EME2: variants seen among roughly 807,000 people sequenced by gnomAD.
EME2 encodes structure-specific endonuclease subunit EME2.
Under a neutral mutation model 41.9 loss-of-function variants are expected in EME2, and 58 were observed. The observed-to-expected ratio is 1.38, with a 90% CI of 1.12 to 1.72. The LOEUF (loss-of-function observed/expected upper bound fraction) is 1.72. Among genes scored for constraint, EME2 ranks in the 40% most tolerant of loss-of-function variants. EME2 has a pLI of 0.00. For missense variants in EME2, 695 were observed against 541.9 expected, an observed-to-expected ratio of 1.28 and a Z score of -2.81; for synonymous variants, 334 against 239.3, an observed-to-expected ratio of 1.40 and a Z score of -3.65.
chr16:1,775,966 TC>T lies in EME2; in HGVS notation c.955del (p.Arg319AlafsTer48). The part of the protein sequence containing the change: ...VADAVVTAFP[S>X]PRLLQQALEA... The stretch of plus-strand genomic sequence containing the variant: ...TGATGCAGTTGTCACAGCCTTCCCC[TC>T]CCCCCGCCTTCTGCAGCAGGTGGGC... On this transcript the variant is annotated frameshift_variant, in exon 7 of 8. Transcript: ENST00000568449. LOFTEE classifies it low-confidence loss of function (END_TRUNC). 3 of 1,608,480 alleles carry T rather than the reference TC, an allele frequency of 1.9e-6. No homozygotes were observed. Among genetic ancestry groups the T allele is most frequent in the African/African-American group, 1.3e-5 (1 of 74,878 alleles).
In EME2 at chr16:1,775,890, G is replaced by C. The variant is rs368025619; in HGVS notation, c.873G>C (p.Ala291=). The C allele has an allele frequency of 1.2e-6, 2 of 1,612,378 alleles. No homozygotes were observed. The highest frequency in any genetic ancestry group is 1.3e-5 in the African/African-American group (1 of 74,938). ...CAAGAGACGGCGCAGGGCTGCAGGCGGCCTGGCGGAGGCAGATCAGGCAGT... is the reference window on the plus strand; with the variant it reads ...CAAGAGACGGCGCAGGGCTGCAGGCCGCCTGGCGGAGGCAGATCAGGCAGT... ...PVARDGAGLQ[A]AWRRQIRQFS... Residue 291 remains alanine, a synonymous_variant, in exon 7 of 8, where the codon GCG becomes GCC. Transcript: ENST00000568449.
Position 1,781,297 on chromosome 16 carries a change from C to T in EME2, c.*5059C>T. The T allele has an allele frequency of 6.2e-7, 1 of 1,612,498 alleles. No homozygotes were observed. Among genetic ancestry groups the T allele is most frequent in the Non-Finnish European group, 8.5e-7 (1 of 1,179,958 alleles). ...TCCGTGTTCAGGTAATGTCTGCCTG[C>T]CTGCCTAGGGCATCTCCACACCTTA... On this transcript the variant is annotated 3_prime_UTR_variant, in exon 8 of 8. Transcript: ENST00000568449.
In EME2 at chr16:1,773,039, C is replaced by G. The variant is rs1427890180; in HGVS notation, c.-189C>G. 1.9e-5 allele frequency: 27 copies of G among 1,435,908 alleles called. No individual in the cohort carries two copies. Among genetic ancestry groups the G allele is most frequent in the Non-Finnish European group, 2.5e-5 (27 of 1,096,352 alleles). The allele number at this position is 1,435,908 out of a possible 1,614,324, so 88.9% of individuals were successfully genotyped here. On this transcript the variant is annotated 5_prime_UTR_variant, in exon 1 of 8. Coordinates refer to ENST00000568449, the MANE Select transcript of EME2 (RefSeq NM_001257370.2). ...CCGCGTAGAGCTGGGAGTCGCGCGGCCTGTTCAGTTGCTCCCGCAGGGCGC... is the reference window on the plus strand; with the variant it reads ...CCGCGTAGAGCTGGGAGTCGCGCGGGCTGTTCAGTTGCTCCCGCAGGGCGC...
In EME2 at chr16:1,781,482, A is replaced by G. The variant is rs1896711181; in HGVS notation, c.*5244A>G. 1.2e-6 allele frequency: 2 copies of G among 1,611,928 alleles called. No individual in the cohort carries two copies. Among genetic ancestry groups the G allele is most frequent in the African/African-American group, 2.7e-5 (2 of 74,870 alleles). On this transcript the variant is annotated 3_prime_UTR_variant, in exon 8 of 8. Transcript: ENST00000568449. ...CCTGCTGTTCCGGGGGCGTCTGGCCATGGTGGAAAGAATCTAGAAGAAAAC... is the reference window on the plus strand; with the variant it reads ...CCTGCTGTTCCGGGGGCGTCTGGCCGTGGTGGAAAGAATCTAGAAGAAAAC...
At position 1,776,384 on chromosome 16, in the gene EME2, G is replaced by A. The variant is rs1243701904; in HGVS notation, c.*146G>A. On this transcript the variant is annotated 3_prime_UTR_variant, in exon 8 of 8. Transcript: ENST00000568449. ...AGGTCTGACCTCAGGGGAAGGGTGGGTGGTTGCAGGGGAAGTTTTAGGTAG... is the reference window on the plus strand; with the variant it reads ...AGGTCTGACCTCAGGGGAAGGGTGGATGGTTGCAGGGGAAGTTTTAGGTAG... 2.8e-6 allele frequency: 2 copies of A among 703,434 alleles called. No individual in the cohort carries two copies. The highest frequency in any genetic ancestry group is 2.8e-5 in the East Asian group (1 of 35,580). 43.6% of individuals were successfully genotyped at this position (703,434 alleles called of 1,614,324 possible).
Position 1,776,173 on chromosome 16 carries a change from TC to T in EME2, c.1078del (p.Arg360AlafsTer7). 1 of 1,612,398 alleles carries T rather than the reference TC, an allele frequency of 6.2e-7. No individual in the cohort carries two copies. Among genetic ancestry groups the T allele is most frequent in the South Asian group, 1.1e-5 (1 of 91,082 alleles). ...TCCCCGCAGGGTGGGGCCTGACCTCTCCCGCCGCATCTGCCTCTTCCTGACC... is the reference window on the plus strand; with the variant it reads ...TCCCCGCAGGGTGGGGCCTGACCTCTCCGCCGCATCTGCCTCTTCCTGACC... ...GRPRRVGPDL[S>X]RRICLFLTTA... On this transcript the variant is annotated frameshift_variant, in exon 8 of 8. Transcript: ENST00000568449. LOFTEE classifies it high-confidence loss of function.
In EME2 at chr16:1,781,281, A is replaced by T. The variant is rs1896698538; in HGVS notation, c.*5043A>T. ...TTTTTCTCCGACTGATTCCGTGTTC[A>T]GGTAATGTCTGCCTGCCTGCCTAGG... On this transcript the variant is annotated 3_prime_UTR_variant, in exon 8 of 8. Coordinates refer to ENST00000568449, the MANE Select transcript of EME2 (RefSeq NM_001257370.2). 1.2e-6 allele frequency: 2 copies of T among 1,611,754 alleles called. No individual in the cohort carries two copies. Among genetic ancestry groups the T allele is most frequent in the Non-Finnish European group, 1.7e-6 (2 of 1,179,908 alleles).
chr16:1,775,705 A>AG (rs1238748372), intron 6 of EME2, 21 bp downstream of exon 6: 1 of 1,612,858 alleles, frequency 6.2e-7, no homozygotes, highest in African/African-American at 1.3e-5. Flanking sequence ...CCAAGGCTGA[A>AG]GGGGGGCAGG....
At position 1,778,080 on chromosome 16, in the gene EME2, G is replaced by C; in HGVS notation, c.*1842G>C. 2 of 1,613,024 alleles carry C rather than the reference G, an allele frequency of 1.2e-6. No homozygotes were observed. Among genetic ancestry groups the C allele is most frequent in the Non-Finnish European group, 1.7e-6 (2 of 1,179,976 alleles). The stretch of plus-strand genomic sequence containing the variant: ...ACAGGGGCCAGGCAGAGGGCGCGGG[G>C]CTGGGCTGCCGGAGCCAGGTTCCCC... On this transcript the variant is annotated 3_prime_UTR_variant, in exon 8 of 8. Transcript: ENST00000568449.
At position 1,772,898 on chromosome 16, in the gene EME2, G is replaced by T; in HGVS notation, c.-330G>T. On this transcript the variant is annotated 5_prime_UTR_variant, in exon 1 of 8. Transcript: ENST00000568449. ...TGCGCGTGACCAGGCGGCCCAGGCC[G>T]AAGAGCGGGAGGCGGCCGAGCAGCT... 1.4e-6 allele frequency: 2 copies of T among 1,452,188 alleles called. No homozygotes were observed. The highest frequency in any genetic ancestry group is 1.8e-6 in the Non-Finnish European group (2 of 1,109,368). The allele number at this position is 1,452,188 out of a possible 1,614,324, so 90.0% of individuals were successfully genotyped here.
At chr16:1,773,877 G>A (rs1314476918) in intron 2 of EME2, 36 bp downstream of exon 2, 3 of 1,512,430 alleles carry the variant, frequency 2.0e-6, no homozygotes. Context: ...CCAGCCGCGA[G>A]TTGGCTGTTT....
In EME2 at chr16:1,777,911, A is replaced by G. The variant is rs763447779; in HGVS notation, c.*1673A>G. On this transcript the variant is annotated 3_prime_UTR_variant, in exon 8 of 8. Transcript: ENST00000568449. ...GGGTCGCAGTGAGCCCGGGAGCTCCAGGCTCGGCCCCGCCCCACCCTGGGC... is the reference window on the plus strand; with the variant it reads ...GGGTCGCAGTGAGCCCGGGAGCTCCGGGCTCGGCCCCGCCCCACCCTGGGC... The G allele has an allele frequency of 6.2e-7, 1 of 1,611,824 alleles. No homozygotes were observed. Among genetic ancestry groups the G allele is most frequent in the Non-Finnish European group, 8.5e-7 (1 of 1,179,588 alleles).
Position 1,777,668 on chromosome 16 carries a change from T to A in EME2, c.*1430T>A. The A allele has an allele frequency of 2.5e-6, 4 of 1,575,382 alleles. No homozygotes were observed. In the South Asian group the frequency reaches 4.6e-5, roughly 18 times the overall value. On this transcript the variant is annotated 3_prime_UTR_variant, in exon 8 of 8. Transcript: ENST00000568449. ...GAGGAACCCTTTCAGAAAACCTCAG[T>A]GTCCCCTGGGCTGGGGCGGGGTGGC...
In EME2 at chr16:1,773,141, G is replaced by T; in HGVS notation, c.-87G>T. 7 of 1,390,782 alleles carry T rather than the reference G, an allele frequency of 5.0e-6. No homozygotes were observed. Among genetic ancestry groups the T allele is most frequent in the Non-Finnish European group, 6.5e-6 (7 of 1,078,006 alleles). The allele number at this position is 1,390,782 out of a possible 1,614,324, so 86.2% of individuals were successfully genotyped here. A position where few individuals can be genotyped will look rare whatever the true frequency, so the allele number is the denominator to read the frequency against. ...CCATGGCGGGTCCGCGTCCTCAGCG[G>T]TCCGGCCGGAAGTCACCGGAAGAGG... On this transcript the variant is annotated 5_prime_UTR_variant, in exon 1 of 8. Transcript: ENST00000568449.
chr16:1,776,217 CCTG>C lies in EME2; in HGVS notation c.1123_1125del (p.Leu375del). On this transcript the variant is annotated inframe_deletion, in exon 8 of 8. Transcript: ENST00000568449. ...TCCTGACCACAGCCAACCCTGATCTCCTGCTGGACCTGGGCTCCTGACCACACG... is the reference window on the plus strand; with the variant it reads ...TCCTGACCACAGCCAACCCTGATCTCCTGGACCTGGGCTCCTGACCACACG... The C allele has an allele frequency of 6.2e-7, 1 of 1,612,560 alleles. No individual in the cohort carries two copies. Among genetic ancestry groups the C allele is most frequent in the Non-Finnish European group, 8.5e-7 (1 of 1,179,946 alleles).
In EME2 at chr16:1,773,492, G is replaced by A. The variant is rs547322554; in HGVS notation, c.247+18G>A. The A allele has an allele frequency of 5.1e-6, 8 of 1,577,736 alleles. No homozygotes were observed. In the African/African-American group the frequency reaches 1.1e-4, roughly 21 times the overall value. On this transcript the variant is annotated intron_variant, in intron 1 of 7. Transcript: ENST00000568449. ...GGACACAGGTGCGGCGGAGGGCACG[G>A]GCGATACTCGGGGTAGGAAAGGCCT... is the stretch of plus-strand genomic sequence containing the variant.
chr16:1,773,318 T>C lies in EME2; in HGVS notation c.91T>C (p.Trp31Arg). ...GAGCGGTCAGCGGCGACCTCCAACC[T>C]GGGAGATCTCAGACTCCGACGCTGA... ...GGSGQRRPPTWEISDSDAEDS... is the reference protein window; with the variant it reads ...GGSGQRRPPTREISDSDAEDS... The change falls in exon 1 of 8, where the codon TGG (tryptophan) becomes CGG (arginine). Residue 31 changes from tryptophan to arginine, a missense_variant. Trp to Arg is a moderately radical substitution (Grantham distance 101, BLOSUM62 -3). Coordinates refer to ENST00000568449, the MANE Select transcript of EME2 (RefSeq NM_001257370.2). The C allele has an allele frequency of 6.6e-7, 1 of 1,507,026 alleles. No homozygotes were observed. The allele number at this position is 1,507,026 out of a possible 1,614,324, so 93.4% of individuals were successfully genotyped here.
Position 1,775,938 on chromosome 16 carries a change from G to T in EME2, c.921G>T (p.Val307=), listed in dbSNP as rs543882375. ...AGTTCAGTCGGGTCAGCCCAGCCGTGGCTGATGCAGTTGTCACAGCCTTCC... is the reference window on the plus strand; with the variant it reads ...AGTTCAGTCGGGTCAGCCCAGCCGTTGCTGATGCAGTTGTCACAGCCTTCC... ...IRQFSRVSPA[V]ADAVVTAFPS... The change falls in exon 7 of 8, where the codon GTG becomes GTT. Residue 307 remains valine (V), a synonymous_variant. Coordinates refer to ENST00000568449, the MANE Select transcript of EME2 (RefSeq NM_001257370.2). The T allele has an allele frequency of 6.2e-6, 10 of 1,611,658 alleles. No homozygotes were observed. Among genetic ancestry groups the T allele is most frequent in the Non-Finnish European group, 8.5e-6 (10 of 1,179,746 alleles).
chr16:1,778,322 C>T lies in EME2; in HGVS notation c.*2084C>T. 6.2e-7 allele frequency: 1 copy of T among 1,612,222 alleles called. No homozygotes were observed. Among genetic ancestry groups the T allele is most frequent in the East Asian group, 2.2e-5 (1 of 44,876 alleles). ...AAGTCATCCCAGACCCAGTCGAAAT[C>T]TGCAAGAGAGGCCCAGGCTGGGGCA... is the stretch of plus-strand genomic sequence containing the variant. On this transcript the variant is annotated 3_prime_UTR_variant, in exon 8 of 8. Coordinates refer to ENST00000568449, the MANE Select transcript of EME2 (RefSeq NM_001257370.2).
Sources: gnomAD v4.1 joint callset for allele counts on GRCh38, gnomAD v4.1.1 for gene constraint, MANE v1.5 for transcripts, NCBI Gene and HGNC (gene_info 2026-07-23, HGNC 2026-07-21) for gene names.